PDE1A: variants seen among roughly 807,000 people sequenced by gnomAD.
The protein encoded by PDE1A is phosphodiesterase 1A.
Under a neutral mutation model 61.7 loss-of-function variants are expected in PDE1A, and 35 were observed. That is an observed-to-expected ratio of 0.57 (90% CI 0.43 to 0.75). The LOEUF (loss-of-function observed/expected upper bound fraction) is 0.75, where lower values mean the gene tolerates loss of function less well. Ranked by LOEUF, PDE1A falls within the 30% of genes least tolerant of loss-of-function variation. The probability of loss-of-function intolerance (pLI) is 0.00; values close to 1 mark genes in which losing one functional copy is unlikely to be tolerated. For synonymous variants in PDE1A, 232 were observed against 213.2 expected, an observed-to-expected ratio of 1.09 and a Z score of -0.77; for missense variants, 597 against 630.6, an observed-to-expected ratio of 0.95 and a Z score of 0.57.
the PDE1A span, among the ~76,000 whole-genome samples, chr2:182,643,665 T>C: frequency 6.6e-6 from 1 of 152,122 alleles, no homozygotes; most frequent in Non-Finnish European, 1.5e-5. Flanking sequence ...ACTATTAGCA[T>C]TGCTCTTTAT....
At chr2:182,522,647 T>C in intron 1 of PDE1A, 1 of 1,210,858 alleles carries the variant, frequency 8.3e-7, no homozygotes, top group Non-Finnish European at 1.0e-6. Flanking sequence ...CATGTGAGCC[T>C]GCTACTGTAC....
the PDE1A span, among the ~76,000 whole-genome samples, chr2:182,539,988 T>C: frequency 2.6e-5 from 4 of 152,148 alleles, no homozygotes; most frequent in Non-Finnish European, 5.9e-5. Flanking sequence ...AATATCAAAA[T>C]GCAAATAACT....
intron 1 of PDE1A, among the ~76,000 whole-genome samples, chr2:182,375,024 A>AAC (rs1372104811): frequency 6.6e-6 from 1 of 152,170 alleles, no homozygotes; most frequent in Non-Finnish European, 1.5e-5. Context: ...CTACCATGAG[A>AAC]ACAGTATGTG....
At chr2:182,446,272 C>T (rs966205893) in intron 2 of PDE1A, among the ~76,000 whole-genome samples, 1 of 152,076 alleles carries the variant, frequency 6.6e-6, no homozygotes, top group African/African-American at 2.4e-5. Context: ...GATTGTGGAC[C>T]ACTCAGCTCT....
chr2:182,199,406 T>G (rs1456418130), intron 10 of PDE1A, among the ~76,000 whole-genome samples: 1 of 152,060 alleles, frequency 6.6e-6, no homozygotes, highest in East Asian at 1.9e-4. Flanking sequence ...AGATATAACT[T>G]ACTTTATTAC....
the PDE1A span, among the ~76,000 whole-genome samples, chr2:182,588,289 G>C: frequency 2.2e-4 from 34 of 152,150 alleles, no homozygotes; most frequent in African/African-American, 7.2e-4. Context: ...TTTTCATCTG[G>C]AGTAAGTGGC....
chr2:182,332,830 C>T (rs948017430), intron 1 of PDE1A, among the ~76,000 whole-genome samples: 1 of 151,964 alleles, frequency 6.6e-6, no homozygotes, highest in African/African-American at 2.4e-5. Context: ...GGTCAGGGAC[C>T]ATTTCACGTG....
rs186455879 is a variant in PDE1A, at chr2:182,185,763, C to G, written c.1516+129G>C. On this transcript the variant is annotated intron_variant, in intron 13 of 13. Coordinates refer to ENST00000351439, the Ensembl canonical transcript of PDE1A. ...TTTCTCATGAATGATCAAAGAGTAG[C>G]CAAATTCCCAATACCATCAAGGGCT... 4.9e-4 allele frequency: 737 copies of G among 1,513,194 alleles called. 1 individual carries two copies. Among genetic ancestry groups the G allele is most frequent in the Non-Finnish European group, 6.2e-4 (698 of 1,131,028 alleles). 93.7% of individuals were successfully genotyped at this position (1,513,194 alleles called of 1,614,324 possible).
intron 2 of PDE1A, among the ~76,000 whole-genome samples, chr2:182,445,311 T>C (rs62188287): frequency 0.18 from 26,989 of 152,106 alleles, 2,812 homozygotes; most frequent in Middle Eastern, 0.35. Context: ...CAGCTTTTTA[T>C]TGATAGAAAA....
intron 13 of PDE1A, among the ~76,000 whole-genome samples, chr2:182,160,430 C>T (rs901385816): frequency 1.3e-5 from 2 of 152,116 alleles, no homozygotes; most frequent in Non-Finnish European, 2.9e-5. Context: ...GCAATGCAGG[C>T]AGGAAAAGGG....
the PDE1A span, among the ~76,000 whole-genome samples, chr2:182,712,068 T>C: frequency 2.6e-5 from 4 of 152,212 alleles, no homozygotes; most frequent in African/African-American, 4.8e-5. Context: ...GGATAGACCA[T>C]AGGGTCAGTT....
chr2:182,163,470 C>T (rs1325271115), downstream of PDE1A, among the ~76,000 whole-genome samples: 1 of 152,086 alleles, frequency 6.6e-6, no homozygotes, highest in Admixed American at 6.6e-5. Context: ...TTAATTGGAC[C>T]TAGTGAGCAA....
At chr2:182,180,806 T>A (rs1216233918) in intron 13 of PDE1A, among the ~76,000 whole-genome samples, 5 of 151,966 alleles carry the variant, frequency 3.3e-5, no homozygotes, top group Admixed American at 1.3e-4. Flanking sequence ...TTTTCTCTAA[T>A]CTTGTCTGCA....
intron 13 of PDE1A, among the ~76,000 whole-genome samples, chr2:182,154,341 T>C (rs1690948470): frequency 6.6e-6 from 1 of 152,222 alleles, no homozygotes; most frequent in Non-Finnish European, 1.5e-5. Context: ...ACATAAACCA[T>C]TAATTTTCAC....
Position 182,234,444 on chromosome 2 carries a change from G to A in PDE1A, c.405C>T (p.Ile135=), listed in dbSNP as rs375942859. 1.6e-5 allele frequency: 25 copies of A among 1,604,090 alleles called. 1 individual carries two copies. Among genetic ancestry groups the A allele is most frequent in the African/African-American group, 1.2e-4 (9 of 74,614 alleles). The change falls in exon 4 of 14, where the codon ATC becomes ATT. Residue 135 remains isoleucine (I), a synonymous_variant. Coordinates refer to ENST00000351439, the Ensembl canonical transcript of PDE1A. ...GAAATTATGTCACCTTTAATGTTAC[G>A]ATGACAGCTGCTGGATATGCCAAAC...
At chr2:182,449,112 ATCT>A (rs1194406043) in intron 2 of PDE1A, among the ~76,000 whole-genome samples, 4 of 150,914 alleles carry the variant, frequency 2.7e-5, no homozygotes, top group African/African-American at 9.7e-5. Context: ...ATCCTTCTAA[ATCT>A]TCTTAGGATA....
At chr2:182,143,662 C>A (rs1043279731), downstream of PDE1A, among the ~76,000 whole-genome samples, 3 of 151,958 alleles carry the variant, frequency 2.0e-5, no homozygotes, top group Non-Finnish European at 4.4e-5. Context: ...ACTACAGGCG[C>A]CCGCCACTAC....
chr2:182,151,748 T>G lies in PDE1A; in HGVS notation c.1517-4596A>C, dbSNP rs182900181. Among the ~76,000 whole-genome samples the G allele has an allele frequency of 6.4e-4, 97 of 152,352 alleles. 1 individual carries two copies. The highest frequency in any genetic ancestry group is 2.2e-3 in the African/African-American group (91 of 41,582). On this transcript the variant is annotated intron_variant, in intron 13 of 13. Transcript: ENST00000409365. ...GTTCTTTTTGTATTTTTCTAATACC[T>G]CAAATCCATAATTAAAAGATCATTT...
intron 1 of PDE1A, among the ~76,000 whole-genome samples, chr2:182,328,409 G>A (rs1361893130): frequency 6.6e-6 from 1 of 152,160 alleles, no homozygotes; most frequent in Admixed American, 6.6e-5. Context: ...CGAGGGCATT[G>A]AGAGTACATG....
Sources: allele counts gnomAD v4.1 joint callset (sites outside exome capture counted in the v4.1 genomes callset), GRCh38; gene constraint gnomAD v4.1.1; transcripts MANE v1.5; gene names NCBI Gene and HGNC (gene_info 2026-07-23, HGNC 2026-07-21).